CSGALNACT1: variants seen among roughly 807,000 people sequenced by gnomAD.
CSGALNACT1 encodes the protein chondroitin sulfate N-acetylgalactosaminyltransferase 1.
Under a neutral mutation model 51.0 loss-of-function variants are expected in CSGALNACT1, and 52 were observed. The observed-to-expected ratio is 1.02, with a 90% CI of 0.82 to 1.29. The LOEUF (loss-of-function observed/expected upper bound fraction) is 1.29, where lower values mean the gene tolerates loss of function less well. Ranked by LOEUF, CSGALNACT1 falls within the 50% of genes most tolerant of loss-of-function variation. The pLI, the probability that CSGALNACT1 is intolerant of heterozygous loss-of-function variation, is 0.00. For missense variants in CSGALNACT1, 935 were observed against 679.2 expected (o/e 1.38, Z -4.19); for synonymous variants, 341 against 254.4 (o/e 1.34, Z -3.24).
chr8:19,701,773 T>C (rs1302188032), intron 1 of CSGALNACT1, among the ~76,000 whole-genome samples: 2 of 152,224 alleles, frequency 1.3e-5, no homozygotes, highest in Admixed American at 1.3e-4. Context: ...ACCCAAGATC[T>C]TGTGGCTAAT....
intron 3 of CSGALNACT1, among the ~76,000 whole-genome samples, chr8:19,511,958 A>G (rs1369502070): frequency 1.3e-5 from 2 of 152,308 alleles, no homozygotes; most frequent in East Asian, 3.9e-4. Flanking sequence ...TATGATGAGA[A>G]CAGCAAGTGG....
chr8:19,757,309 G>A lies in CSGALNACT1; in HGVS notation c.-297+541C>T, dbSNP rs1227676297. ...CGCTCCGGCAGCCGCGGAGCCTCCA[G>A]GGACCCCGGGGGCGGGGAGCAGCGG... On this transcript the variant is annotated intron_variant, in intron 1 of 1. Coordinates refer to the CSGALNACT1 transcript ENST00000517494. The surrounding 1 kb of genome is among the most constrained non-coding windows in gnomAD (Gnocchi z 4.0). The A allele has an allele frequency of 1.3e-5, 2 of 150,642 alleles. No homozygotes were observed. The highest frequency in any genetic ancestry group is 3.0e-5 in the Non-Finnish European group (2 of 67,218). 9.3% of individuals were successfully genotyped at this position (150,642 alleles called of 1,614,324 possible).
intron 1 of CSGALNACT1, among the ~76,000 whole-genome samples, chr8:19,756,765 A>G (rs2065411753): frequency 6.6e-6 from 1 of 151,972 alleles, no homozygotes; most frequent in African/African-American, 2.4e-5. Flanking sequence ...CCACAATAAT[A>G]CAATAACCGC....
At position 19,442,247 on chromosome 8, in the gene CSGALNACT1, C is replaced by G. The variant is rs541869615; in HGVS notation, c.852-2316G>C. On this transcript the variant is annotated intron_variant, in intron 5 of 9. Coordinates refer to ENST00000454498, the Ensembl canonical transcript of CSGALNACT1. ...TATACCCAAAGGACTATAAATCATGCTGCTATAAAGACACATGCACATGTA... is the reference window on the plus strand; with the variant it reads ...TATACCCAAAGGACTATAAATCATGGTGCTATAAAGACACATGCACATGTA... 1.1e-3 allele frequency among the ~76,000 whole-genome samples: 171 copies of G among 152,286 alleles called. No individual in the cohort carries two copies. The South Asian group carries it at 0.028, about 25-fold the overall frequency.
At chr8:19,714,999 TG>T (rs2062722467) in intron 1 of CSGALNACT1, among the ~76,000 whole-genome samples, 1 of 152,214 alleles carries the variant, frequency 6.6e-6, no homozygotes. Context: ...TCCGTTTTTA[TG>T]CTGCTGATAA....
chr8:19,407,640 C>T (rs1304177690), intron 9 of CSGALNACT1, among the ~76,000 whole-genome samples: 3 of 152,172 alleles, frequency 2.0e-5, no homozygotes, highest in Non-Finnish European at 4.4e-5. Flanking sequence ...GGATCTCTTT[C>T]CCTTTGACAT....
At chr8:19,717,319 G>C (rs1378788592) in intron 1 of CSGALNACT1, among the ~76,000 whole-genome samples, 1 of 152,218 alleles carries the variant, frequency 6.6e-6, no homozygotes, top group African/African-American at 2.4e-5. Context: ...TGTCACCACT[G>C]ACATAGCCTA....
At chr8:19,460,477 A>T (rs1374408248) in intron 4 of CSGALNACT1, among the ~76,000 whole-genome samples, 1 of 152,140 alleles carries the variant, frequency 6.6e-6, no homozygotes, top group East Asian at 1.9e-4. Flanking sequence ...GTTGTCTTGG[A>T]ATGTATCCCC....
At chr8:19,528,578 T>A (rs1458380197) in intron 3 of CSGALNACT1, among the ~76,000 whole-genome samples, 2 of 143,226 alleles carry the variant, frequency 1.4e-5, no homozygotes, top group Non-Finnish European at 1.5e-5. Context: ...TGAGATACCT[T>A]ATGTGAGAAT....
chr8:19,685,726 T>TA (rs1453135202), upstream of CSGALNACT1, among the ~76,000 whole-genome samples: 2 of 152,178 alleles, frequency 1.3e-5, no homozygotes, highest in East Asian at 3.9e-4. Context: ...ATCCTGCTTC[T>TA]AGGCCATCAT....
intron 3 of CSGALNACT1, among the ~76,000 whole-genome samples, chr8:19,546,006 C>T (rs116946957): frequency 0.017 from 2,644 of 151,794 alleles, 34 homozygotes; most frequent in Middle Eastern, 0.031. Flanking sequence ...CCACAGATAG[C>T]CCAAGAAAAT....
intron 4 of CSGALNACT1, among the ~76,000 whole-genome samples, chr8:19,473,605 T>A (rs1335201275): frequency 6.6e-6 from 1 of 152,228 alleles, no homozygotes; most frequent in African/African-American, 2.4e-5. Flanking sequence ...CACTTCCTAG[T>A]CTTAAAAATT....
At chr8:19,442,342 G>T (rs770541543) in intron 5 of CSGALNACT1, among the ~76,000 whole-genome samples, 2 of 152,046 alleles carry the variant, frequency 1.3e-5, no homozygotes, top group Non-Finnish European at 2.9e-5. Flanking sequence ...ATGACAGAGT[G>T]GATTAAGAAA....
intron 4 of CSGALNACT1, among the ~76,000 whole-genome samples, chr8:19,482,533 T>A (rs1469640502): frequency 6.6e-6 from 1 of 152,186 alleles, no homozygotes; most frequent in Non-Finnish European, 1.5e-5. Context: ...CAATATTCGA[T>A]GCTAATGCCC....
At chr8:19,675,649 C>A (rs188660082) in intron 1 of CSGALNACT1, among the ~76,000 whole-genome samples, 2 of 152,228 alleles carry the variant, frequency 1.3e-5, no homozygotes, top group Admixed American at 6.6e-5. Context: ...CGTGCCACCA[C>A]ATCCAGCTAA....
At chr8:19,666,961 A>G (rs868511480) in intron 1 of CSGALNACT1, among the ~76,000 whole-genome samples, 5 of 11,546 alleles carry the variant, frequency 4.3e-4, no homozygotes, top group African/African-American at 1.9e-3. Context: ...GAAAGAAAGA[A>G]AGAAAGAAAG....
intron 4 of CSGALNACT1, among the ~76,000 whole-genome samples, chr8:19,473,133 G>A (rs1022135209): frequency 2.0e-5 from 3 of 152,044 alleles, no homozygotes; most frequent in East Asian, 1.9e-4. Context: ...TTTTCAAGTC[G>A]CCACTGTGGA....
chr8:19,706,844 T>G (rs2062199060), intron 1 of CSGALNACT1, among the ~76,000 whole-genome samples: 1 of 152,090 alleles, frequency 6.6e-6, no homozygotes, highest in Admixed American at 6.6e-5. Context: ...CCAGGCTGGT[T>G]TTGAACTCAT....
At chr8:19,750,626 G>A (rs1334214992) in intron 1 of CSGALNACT1, among the ~76,000 whole-genome samples, 2 of 152,122 alleles carry the variant, frequency 1.3e-5, no homozygotes, top group African/African-American at 4.8e-5. Flanking sequence ...GTTTAGTAAT[G>A]GAACAAGGTC....
Sources: allele counts gnomAD v4.1 joint callset (sites outside exome capture counted in the v4.1 genomes callset), GRCh38; gene constraint gnomAD v4.1.1; non-coding constraint Gnocchi (gnomAD v3.1); transcripts MANE v1.5; gene names NCBI Gene and HGNC (gene_info 2026-07-23, HGNC 2026-07-21).